OPCML: variants seen among roughly 807,000 people sequenced by gnomAD.
The protein encoded by OPCML is opioid-binding protein/cell adhesion molecule.
Under a neutral mutation model 37.8 loss-of-function variants are expected in OPCML, and 13 were observed. That is an observed-to-expected ratio of 0.34 (90% CI 0.22 to 0.55). OPCML has a LOEUF of 0.55. Among genes scored for constraint, OPCML ranks in the 20% least tolerant of loss-of-function variants. OPCML has a pLI of 0.91. For synonymous variants in OPCML, 176 were observed against 168.8 expected (o/e 1.04, Z -0.33); for missense variants, 341 against 435.6 (o/e 0.78, Z 1.93).
intron 1 of OPCML, among the ~76,000 whole-genome samples, chr11:132,990,051 A>C (rs1038682967): frequency 1.3e-5 from 2 of 152,240 alleles, no homozygotes; most frequent in Non-Finnish European, 2.9e-5. Flanking sequence ...GCAGAGGAGC[A>C]TGCCACCCTG....
chr11:133,170,851 T>TC (rs1467961582), intron 1 of OPCML, among the ~76,000 whole-genome samples: 2 of 151,990 alleles, frequency 1.3e-5, no homozygotes, highest in Admixed American at 1.3e-4. Flanking sequence ...AGGCAACTTG[T>TC]CCCCCCAAAA....
chr11:133,333,264 G>T (rs1234793819), intron 1 of OPCML, among the ~76,000 whole-genome samples: 2 of 152,030 alleles, frequency 1.3e-5, no homozygotes, highest in Non-Finnish European at 2.9e-5. Context: ...TCACCATGTT[G>T]CCCAGGCTGG....
intron 1 of OPCML, chr11:133,419,382 A>G: frequency 1.0e-6 from 1 of 977,194 alleles, no homozygotes; most frequent in Non-Finnish European, 1.2e-6. Flanking sequence ...CCCACTCGTC[A>G]GAGCTTATTG....
chr11:133,376,140 G>A (rs1944798571), intron 1 of OPCML, among the ~76,000 whole-genome samples: 1 of 152,112 alleles, frequency 6.6e-6, no homozygotes, highest in African/African-American at 2.4e-5. Flanking sequence ...CAGATAATGA[G>A]TCAGATTCAG....
At chr11:133,185,934 T>C (rs1464814770) in intron 1 of OPCML, among the ~76,000 whole-genome samples, 1 of 152,242 alleles carries the variant, frequency 6.6e-6, no homozygotes, top group African/African-American at 2.4e-5. Context: ...AGAAGATACA[T>C]GTGAGTACAA....
At chr11:132,957,672 T>C (rs2135637) in intron 1 of OPCML, among the ~76,000 whole-genome samples, 123,258 of 152,074 alleles carry the variant, frequency 0.81, 50,363 homozygotes, top group East Asian at 0.98. Context: ...CAGCAACATG[T>C]ACTCACTCTG....
intron 1 of OPCML, among the ~76,000 whole-genome samples, chr11:133,309,180 A>G (rs1943009057): frequency 6.6e-6 from 1 of 152,220 alleles, no homozygotes; most frequent in Non-Finnish European, 1.5e-5. Context: ...ATATTTACAA[A>G]GGGAATAAAG....
intron 1 of OPCML, among the ~76,000 whole-genome samples, chr11:132,992,426 C>T (rs1008921799): frequency 2.6e-5 from 4 of 152,026 alleles, no homozygotes; most frequent in African/African-American, 9.7e-5. Flanking sequence ...ATTCATTGAC[C>T]ACATTTCATT....
intron 4 of OPCML, among the ~76,000 whole-genome samples, chr11:132,497,148 C>G (rs1189925225): frequency 6.6e-6 from 1 of 152,040 alleles, no homozygotes; most frequent in South Asian, 2.1e-4. Context: ...AAACAGAAAA[C>G]CAAACACCAC....
In OPCML at chr11:133,498,127, G is replaced by A. The variant is rs577093015; in HGVS notation, c.61+34137C>T. 5.6e-4 allele frequency among the ~76,000 whole-genome samples: 85 copies of A among 152,238 alleles called. 1 individual carries two copies. Among genetic ancestry groups the A allele is most frequent in the African/African-American group, 1.7e-3 (72 of 41,534 alleles). ...GAGGAGAGGGTGCCGGGCAAGCGGC[G>A]GTTGCTCCAAGGCTTCCCTTCATTC... On this transcript the variant is annotated intron_variant, in intron 1 of 7. Coordinates refer to ENST00000524381, the MANE Select transcript of OPCML (RefSeq NM_001012393.5).
At chr11:132,803,146 T>TA (rs1368929142) in intron 2 of OPCML, among the ~76,000 whole-genome samples, 33 of 152,256 alleles carry the variant, frequency 2.2e-4, no homozygotes, top group Admixed American at 2.2e-3. Flanking sequence ...AGCAAATGCA[T>TA]TAGGAAAACG....
chr11:133,117,807 A>G, intron 1 of OPCML: 1 of 984,836 alleles, frequency 1.0e-6, no homozygotes, highest in Non-Finnish European at 1.2e-6. Flanking sequence ...AAGCAAACTA[A>G]GCTCTAACTC....
At chr11:132,480,627 G>A (rs1250895441) in intron 4 of OPCML, among the ~76,000 whole-genome samples, 4 of 152,076 alleles carry the variant, frequency 2.6e-5, no homozygotes, top group African/African-American at 4.8e-5. Context: ...GAGAAAGGTC[G>A]GGTTACCCTC....
chr11:132,849,442 G>A (rs1941697717), intron 2 of OPCML, among the ~76,000 whole-genome samples: 2 of 152,152 alleles, frequency 1.3e-5, no homozygotes, highest in Non-Finnish European at 2.9e-5. Flanking sequence ...TTCTACCTTC[G>A]TGAAGTGGCA....
chr11:133,138,094 T>A (rs534779873), intron 1 of OPCML, among the ~76,000 whole-genome samples: 1 of 152,300 alleles, frequency 6.6e-6, no homozygotes, highest in Admixed American at 6.5e-5. Flanking sequence ...CATGAATAGA[T>A]TAATGCTTTC....
At chr11:132,974,709 T>C (rs1946418277) in intron 1 of OPCML, among the ~76,000 whole-genome samples, 1 of 152,214 alleles carries the variant, frequency 6.6e-6, no homozygotes, top group Non-Finnish European at 1.5e-5. Flanking sequence ...TGTATGTTTA[T>C]TGCAGCACTA....
At position 132,943,050 on chromosome 11, in the gene OPCML, C is replaced by T. The variant is rs200540821; in HGVS notation, c.62-40G>A. On this transcript the variant is annotated intron_variant, in intron 1 of 7. Transcript: ENST00000524381. The surrounding 1 kb of genome is among the most constrained non-coding windows in gnomAD (Gnocchi z 4.3). ...AACAGCAGCCTGAGAGACACGACCA[C>T]GAGGCACTTCCAGGGCAGGAACAGG... 2 of 1,614,148 alleles carry T rather than the reference C, an allele frequency of 1.2e-6. No individual in the cohort carries two copies. Among genetic ancestry groups the T allele is most frequent in the Non-Finnish European group, 1.7e-6 (2 of 1,179,994 alleles).
chr11:133,529,898 G>A (rs1192709256), intron 1 of OPCML, among the ~76,000 whole-genome samples: 1 of 152,160 alleles, frequency 6.6e-6, no homozygotes, highest in Non-Finnish European at 1.5e-5. Flanking sequence ...TTTCCCACAG[G>A]AACCCCTCAA....
rs372779763 is a variant in OPCML at position 132,797,399 on chromosome 11, A to C, written c.147-140080T>G. ...TTGAATTGTTTTGGCAGCCTTGTCA[A>C]ATGCCAATTAACTTTAAAAGTGAGT... On this transcript the variant is annotated intron_variant, in intron 2 of 7. Coordinates refer to ENST00000524381, the MANE Select transcript of OPCML (RefSeq NM_001012393.5). Among the ~76,000 whole-genome samples the C allele has an allele frequency of 7.7e-4, 117 of 152,322 alleles. 3 individuals carry two copies. The South Asian group carries it at 0.024, about 31-fold the overall frequency.
Sources: gnomAD v4.1 joint callset for allele counts (sites outside exome capture counted in the v4.1 genomes callset) on GRCh38, gnomAD v4.1.1 for gene constraint, Gnocchi (gnomAD v3.1) non-coding constraint, MANE v1.5 for transcripts, NCBI Gene and HGNC (gene_info 2026-07-23, HGNC 2026-07-21) for gene names.